BTBD7: variants seen among roughly 807,000 people sequenced by gnomAD.
BTBD7 encodes BTB domain containing 7.
A neutral mutation model predicts 99.9 loss-of-function variants in BTBD7; 38 were observed. The observed-to-expected ratio is 0.38, with a 90% CI of 0.29 to 0.50. The LOEUF (loss-of-function observed/expected upper bound fraction) is 0.50. Among genes scored for constraint, BTBD7 ranks in the 20% least tolerant of loss-of-function variants. The probability of loss-of-function intolerance (pLI) is 0.93; values close to 1 mark genes in which losing one functional copy is unlikely to be tolerated. For missense variants in BTBD7, 1,170 were observed against 1,394.6 expected (o/e 0.84, Z 2.57); for synonymous variants, 520 against 511.4 (o/e 1.02, Z -0.23).
intron 5 of BTBD7, 86 bp from the exon 6 acceptor site, chr14:93,257,441 G>C: frequency 7.9e-7 from 1 of 1,259,218 alleles, no homozygotes; most frequent in South Asian, 1.6e-5. Context: ...TACACTAACA[G>C]TACCACTCTA....
At chr14:93,327,105 G>C (rs113838060) in intron 1 of BTBD7, among the ~76,000 whole-genome samples, 39 of 152,190 alleles carry the variant, frequency 2.6e-4, no homozygotes, top group African/African-American at 9.4e-4. Flanking sequence ...AGGCAGCAGT[G>C]AGTCATGACT....
rs573937150 is a variant in BTBD7, at chr14:93,282,361, C to T, written c.1162+11497G>A. On this transcript the variant is annotated intron_variant, in intron 3 of 10. Transcript: ENST00000334746. ...TTTTTTTTTTTTTTTGAGACAGTTTCGCTCTGTTGCCCAGGCTGGAGTGCA... is the reference window on the plus strand; with the variant it reads ...TTTTTTTTTTTTTTTGAGACAGTTTTGCTCTGTTGCCCAGGCTGGAGTGCA... Among the ~76,000 whole-genome samples, 126 of 137,360 alleles carry T rather than the reference C, an allele frequency of 9.2e-4. 3 individuals carry two copies. The South Asian group carries it at 0.023, about 25-fold the overall frequency. The allele number at this position is 137,360 out of a possible 152,430, so 90.1% of individuals were successfully genotyped here.
At chr14:93,327,249 C>T (rs2053344223) in intron 1 of BTBD7, among the ~76,000 whole-genome samples, 2 of 152,014 alleles carry the variant, frequency 1.3e-5, no homozygotes, top group Admixed American at 1.3e-4. Flanking sequence ...TGGGTTAAAC[C>T]TTACTCTTCT....
chr14:93,320,000 G>C (rs1399301688), intron 1 of BTBD7, among the ~76,000 whole-genome samples: 1 of 152,018 alleles, frequency 6.6e-6, no homozygotes. Context: ...GAGAGATAGA[G>C]GAAAACTAGA....
At chr14:93,324,394 C>A (rs2065943975) in intron 1 of BTBD7, among the ~76,000 whole-genome samples, 1 of 145,734 alleles carries the variant, frequency 6.9e-6, no homozygotes, top group South Asian at 2.2e-4. Context: ...TGCACTCCAG[C>A]CTGGGTGACA....
At chr14:93,247,514 GTTTGCA>G (rs1201256820) in intron 9 of BTBD7, among the ~76,000 whole-genome samples, 1 of 152,108 alleles carries the variant, frequency 6.6e-6, no homozygotes, top group Non-Finnish European at 1.5e-5. Context: ...CCTGGCTGAT[GTTTGCA>G]TTTTTAGTAC....
rs1422097229 is a variant in BTBD7 at position 93,242,278 on chromosome 14, G to A, written c.3394C>T (p.Leu1132Phe). 6.2e-7 allele frequency: 1 copy of A among 1,612,606 alleles called. No individual in the cohort carries two copies. Residue 1132 changes from leucine (L) to phenylalanine (F), a missense_variant, in exon 11 of 11, where the codon CTC becomes TTC. By Grantham distance (22) the Leu-to-Phe change is conservative (BLOSUM62 0). Around this residue, in one of 4 missense-constraint regions of BTBD7, gnomAD observed 495 missense variants for 525.9 expected, o/e 0.94. Transcript: ENST00000334746. ...AGACGACTTGGAGGTTGCTCTCAGA[G>A]GGCAGACTTTTTGTAGAGGAAGTCC... ...KPDFLYKKSA[L>F]
At position 93,243,414 on chromosome 14, in the gene BTBD7, C is replaced by T. The variant is rs189043481; in HGVS notation, c.2584-326G>A. Among the ~76,000 whole-genome samples the T allele has an allele frequency of 4.6e-5, 7 of 152,164 alleles. No individual in the cohort carries two copies. The East Asian group carries it at 1.2e-3, about 25-fold the overall frequency. ...TTCAATGTGTTAGCCAGGATGGTCT[C>T]GATCTCCTGACCTCGTGATCCGCTC... On this transcript the variant is annotated intron_variant, in intron 10 of 10. Transcript: ENST00000334746.
intron 10 of BTBD7, 116 bp downstream of exon 10, chr14:93,245,709 T>C: frequency 6.7e-7 from 1 of 1,492,546 alleles, no homozygotes; most frequent in South Asian, 1.3e-5. Flanking sequence ...TGCCTTCCAC[T>C]TGTCAGCAAT....
At chr14:93,313,888 C>A (rs571862828) in intron 1 of BTBD7, among the ~76,000 whole-genome samples, 1 of 151,920 alleles carries the variant, frequency 6.6e-6, no homozygotes, top group Admixed American at 6.6e-5. Context: ...TGTGTGCCAG[C>A]GTGCCCAGCT....
chr14:93,311,709 C>G (rs1222786232), intron 1 of BTBD7, among the ~76,000 whole-genome samples: 3 of 151,610 alleles, frequency 2.0e-5, no homozygotes, highest in African/African-American at 7.3e-5. Flanking sequence ...AATATTAACA[C>G]TATCATCACC....
At chr14:93,332,543 C>G (rs2053453518) in intron 1 of BTBD7, among the ~76,000 whole-genome samples, 2 of 151,646 alleles carry the variant, frequency 1.3e-5, no homozygotes, top group South Asian at 4.1e-4. Context: ...CTCCCCGCCC[C>G]GAGCGCCACA....
At chr14:93,250,244 C>A (rs1279695125) in intron 8 of BTBD7, among the ~76,000 whole-genome samples, 1 of 152,116 alleles carries the variant, frequency 6.6e-6, no homozygotes, top group African/African-American at 2.4e-5. Flanking sequence ...GAGAGACAAG[C>A]CTTATTTTTC....
intron 10 of BTBD7, chr14:93,244,454 G>C (rs1425358056): frequency 6.3e-6 from 1 of 158,570 alleles, no homozygotes; most frequent in Non-Finnish European, 1.4e-5. Flanking sequence ...TTCGAGGCCA[G>C]CCTGACCAAC....
intron 1 of BTBD7, among the ~76,000 whole-genome samples, chr14:93,322,123 T>C (rs559126292): frequency 6.6e-6 from 1 of 152,330 alleles, no homozygotes; most frequent in Non-Finnish European, 1.5e-5. Context: ...TGCTTATTTT[T>C]ATTTTAGAGA....
intron 3 of BTBD7, among the ~76,000 whole-genome samples, chr14:93,291,224 C>T (rs2052851537): frequency 6.6e-6 from 1 of 152,050 alleles, no homozygotes; most frequent in South Asian, 2.1e-4. Context: ...TATAGTTTAG[C>T]AGCTAACATT....
chr14:93,296,108 G>A lies in BTBD7; in HGVS notation c.-57C>T. On this transcript the variant is annotated 5_prime_UTR_variant, in exon 2 of 11. Coordinates refer to ENST00000334746, the MANE Select transcript of BTBD7 (RefSeq NM_001002860.4). ...GGTTCTTCAGAGTATAATCCCAGAG[G>A]CCTTTATGAACCTTCAACCCTGGAT... 2 of 1,581,266 alleles carry A rather than the reference G, an allele frequency of 1.3e-6. No homozygotes were observed. The highest frequency in any genetic ancestry group is 1.7e-6 in the Non-Finnish European group (2 of 1,162,552).
chr14:93,245,004 C>T (rs1412136830), intron 10 of BTBD7, among the ~76,000 whole-genome samples: 1 of 151,726 alleles, frequency 6.6e-6, no homozygotes, highest in Non-Finnish European at 1.5e-5. Flanking sequence ...GGACTACAGG[C>T]ACGTGCTACC....
intron 3 of BTBD7, among the ~76,000 whole-genome samples, chr14:93,275,130 A>G (rs1392202864): frequency 6.6e-6 from 1 of 152,184 alleles, no homozygotes; most frequent in Non-Finnish European, 1.5e-5. Flanking sequence ...ATGGCAAGGG[A>G]TAGAACCTAC....
Sources: gnomAD v4.1 joint callset for allele counts (sites outside exome capture counted in the v4.1 genomes callset) on GRCh38, gnomAD v4.1.1 for gene constraint, gnomAD v4.1.1 regional missense constraint, MANE v1.5 for transcripts, NCBI Gene and HGNC (gene_info 2026-07-23, HGNC 2026-07-21) for gene names.